The following CACNA2D4 variants were observed in gnomAD, a reference collection of about 807,000 sequenced individuals.
The protein encoded by CACNA2D4 is voltage-dependent calcium channel subunit alpha-2/delta-4.
Under a neutral mutation model 163.8 loss-of-function variants are expected in CACNA2D4, and 157 were observed. The observed-to-expected ratio is 0.96, with a 90% CI of 0.84 to 1.09. The LOEUF is 1.09. CACNA2D4 is among the 50% of genes least tolerant of loss of function. The pLI, the probability that CACNA2D4 is intolerant of heterozygous loss-of-function variation, is 0.00. For missense variants in CACNA2D4, 1,410 were observed against 1,479.9 expected (o/e 0.95, Z 0.78); for synonymous variants, 598 against 586.9 (o/e 1.02, Z -0.27).
At position 1,874,732 on chromosome 12, in the gene CACNA2D4, A is replaced by G. The variant is rs1865849831; in HGVS notation, c.1807-57T>C. Reference sequence around the variant, plus strand: ...TTGGCTCACAGGGGATGGTGAAAGTATGGCATTCTTCAGACCAGATTAGAG... The same window carrying G: ...TTGGCTCACAGGGGATGGTGAAAGTGTGGCATTCTTCAGACCAGATTAGAG... On this transcript the variant is annotated intron_variant, in intron 17 of 37. Transcript: ENST00000382722. This position sits in a 1 kb window ranked among gnomAD's most constrained non-coding sequence, Gnocchi z 4.4. The G allele has an allele frequency of 1.6e-6, 2 of 1,281,656 alleles. No homozygotes were observed. The highest frequency in any genetic ancestry group is 1.7e-5 in the Admixed American group (1 of 58,688). 79.4% of individuals were successfully genotyped at this position (1,281,656 alleles called of 1,614,324 possible).
At position 1,883,327 on chromosome 12, in the gene CACNA2D4, C is replaced by T. The variant is rs1284962264; in HGVS notation, c.1352-327G>A. Among the ~76,000 whole-genome samples the T allele has an allele frequency of 6.6e-6, 1 of 152,210 alleles. No individual in the cohort carries two copies. The highest frequency in any genetic ancestry group is 2.4e-5 in the African/African-American group (1 of 41,454). ...TCCCAGCCTCGCCCTCCCACTTCCT[C>T]ACAGGAACATCTCATGAGAGTGCCC... On this transcript the variant is annotated intron_variant, in intron 12 of 37. Transcript: ENST00000382722. The surrounding 1 kb of genome is among the most constrained non-coding windows in gnomAD (Gnocchi z 4.5).
chr12:1,891,257 A>T (rs2154450025), intron 6 of CACNA2D4, among the ~76,000 whole-genome samples: 1 of 152,214 alleles, frequency 6.6e-6, no homozygotes, highest in East Asian at 1.9e-4. Context: ...CCCCAGAAAA[A>T]CTTCACCACA....
intron 6 of CACNA2D4, among the ~76,000 whole-genome samples, chr12:1,899,464 C>A (rs1241075879): frequency 6.6e-6 from 1 of 151,856 alleles, no homozygotes; most frequent in African/African-American, 2.4e-5. Flanking sequence ...AAAGGGGACA[C>A]AATTACAGAT....
rs1323257898 is a variant in CACNA2D4 at position 1,842,353 on chromosome 12, A to G, written c.2471-1534T>C. ...AGCCCACCAGGCCCCGGCAAAGGGCAACCATGTCAGCCTAGAGAGACAGGC... is the reference window on the plus strand; with the variant it reads ...AGCCCACCAGGCCCCGGCAAAGGGCGACCATGTCAGCCTAGAGAGACAGGC... On this transcript the variant is annotated intron_variant, in intron 25 of 37. Transcript: ENST00000382722. Among the ~76,000 whole-genome samples the G allele has an allele frequency of 5.9e-5, 9 of 152,142 alleles. No homozygotes were observed. The East Asian group carries it at 1.5e-3, about 26-fold the overall frequency.
At position 1,874,950 on chromosome 12, in the gene CACNA2D4, T is replaced by C. The variant is rs1340346019; in HGVS notation, c.1807-275A>G. On this transcript the variant is annotated intron_variant, in intron 17 of 37. Coordinates refer to ENST00000382722, the MANE Select transcript of CACNA2D4 (RefSeq NM_172364.5). This position sits in a 1 kb window ranked among gnomAD's most constrained non-coding sequence, Gnocchi z 4.4. ...GGACATAATTTCCTCTAGGACGAGA[T>C]ATTGCAATCAAAAGCCAGGCTAAAA... 6.6e-6 allele frequency among the ~76,000 whole-genome samples: 1 copy of C among 152,206 alleles called. No homozygotes were observed. The highest frequency in any genetic ancestry group is 2.4e-5 in the African/African-American group (1 of 41,452).
chr12:1,871,420 G>A (rs1477304979), intron 18 of CACNA2D4, among the ~76,000 whole-genome samples: 1 of 143,560 alleles, frequency 7.0e-6, no homozygotes, highest in African/African-American at 2.6e-5. Context: ...ACAAATGTGT[G>A]CCACTGGTGT....
rs1863099095 is a variant in CACNA2D4 at position 1,795,682 on chromosome 12, G to A, written c.3212C>T (p.Ala1071Val). 5 of 1,609,156 alleles carry A rather than the reference G, an allele frequency of 3.1e-6. No individual in the cohort carries two copies. The highest frequency in any genetic ancestry group is 4.3e-6 in the Non-Finnish European group (5 of 1,175,744). ...TTGCAGGATATATTTGACTTCTGTC[G>A]CCTCCTGCAGCACTGGTGGGAAGAT... ...CSIFPPVLQE[A>V]TEVKYNASVK... The change falls in exon 36 of 38, where the codon GCG becomes GTG. Residue 1071 changes from alanine to valine, a missense_variant. Physicochemically the swap from Ala to Val is moderately conservative, Grantham distance 64 (BLOSUM62 0). Transcript: ENST00000382722.
chr12:1,911,714 G>T (rs760556193), intron 3 of CACNA2D4, among the ~76,000 whole-genome samples: 1 of 152,194 alleles, frequency 6.6e-6, no homozygotes, highest in Non-Finnish European at 1.5e-5. Context: ...GGCACAGGGA[G>T]CCTGGAGCCC....
chr12:1,896,349 A>G (rs1258641108), intron 6 of CACNA2D4, among the ~76,000 whole-genome samples: 2 of 152,336 alleles, frequency 1.3e-5, no homozygotes, highest in East Asian at 3.9e-4. Context: ...CAAGGGACTA[A>G]TATCCAGACT....
At chr12:1,850,480 A>G (rs1256629381) in intron 23 of CACNA2D4, among the ~76,000 whole-genome samples, 1 of 152,224 alleles carries the variant, frequency 6.6e-6, no homozygotes, top group Admixed American at 6.5e-5. Context: ...TGTCGTGAAT[A>G]CATAATATAT....
intron 29 of CACNA2D4, among the ~76,000 whole-genome samples, chr12:1,805,901 C>T (rs1478604658): frequency 3.3e-5 from 5 of 152,180 alleles, no homozygotes; most frequent in South Asian, 4.1e-4. Flanking sequence ...GGGCCGCAGG[C>T]GGCAGGGAAG....
At chr12:1,880,433 C>A (rs908654324) in intron 13 of CACNA2D4, among the ~76,000 whole-genome samples, 1 of 152,272 alleles carries the variant, frequency 6.6e-6, no homozygotes, top group Non-Finnish European at 1.5e-5. Flanking sequence ...AGGTCAGACC[C>A]ACATGGACTC....
chr12:1,826,811 C>A (rs1864350790), intron 26 of CACNA2D4, among the ~76,000 whole-genome samples: 1 of 152,202 alleles, frequency 6.6e-6, no homozygotes, highest in Non-Finnish European at 1.5e-5. Context: ...AAGATGGGGG[C>A]AACAGGGTTT....
intron 4 of CACNA2D4, 133 bp from the exon 5 acceptor site, chr12:1,908,170 C>G (rs115498353): frequency 3.4e-6 from 3 of 888,130 alleles, no homozygotes; most frequent in East Asian, 2.5e-5. Flanking sequence ...CACAAGCACC[C>G]GCGGCGGCGC....
At chr12:1,863,993 G>C (rs1865584924) in intron 18 of CACNA2D4, among the ~76,000 whole-genome samples, 1 of 152,244 alleles carries the variant, frequency 6.6e-6, no homozygotes, top group African/African-American at 2.4e-5. Flanking sequence ...ATGCCACCAG[G>C]TGCCTTCGCT....
chr12:1,818,783 A>T (rs10848578), intron 26 of CACNA2D4, among the ~76,000 whole-genome samples: 46,764 of 124,274 alleles, frequency 0.38, 10,581 homozygotes, highest in East Asian at 0.56. Context: ...ATAAATAAAT[A>T]AATTAAAAAA....
intron 13 of CACNA2D4, 100 bp downstream of exon 13, chr12:1,882,767 T>A: frequency 7.8e-7 from 1 of 1,284,006 alleles, no homozygotes; most frequent in Non-Finnish European, 1.1e-6. Context: ...AAGGAGGTGC[T>A]AGGCCCACCC....
At chr12:1,840,696 G>T in intron 26 of CACNA2D4, 43 bp downstream of exon 26, 1 of 1,532,646 alleles carries the variant, frequency 6.5e-7, no homozygotes, top group Non-Finnish European at 9.0e-7. Flanking sequence ...TCTTTACACT[G>T]TCCCCAGCTT....
At chr12:1,884,684 C>A in intron 11 of CACNA2D4, 84 bp downstream of exon 11, 1 of 856,068 alleles carries the variant, frequency 1.2e-6, no homozygotes. Flanking sequence ...GAATGGGGGC[C>A]ATCCTTCTAG....
Sources: allele counts gnomAD v4.1 joint callset (sites outside exome capture counted in the v4.1 genomes callset), GRCh38; gene constraint gnomAD v4.1.1; non-coding constraint Gnocchi (gnomAD v3.1); transcripts MANE v1.5; gene names NCBI Gene and HGNC (gene_info 2026-07-23, HGNC 2026-07-21).